The following ZNF77 variants were observed in gnomAD, a reference collection of about 807,000 sequenced individuals.
The protein encoded by ZNF77 is ZNFpT1.
Under a neutral mutation model 13.5 loss-of-function variants are expected in ZNF77, and 15 were observed. The ratio of observed to expected loss-of-function variants is 1.11; its 90% CI spans 0.74 to 1.71. ZNF77 has a LOEUF of 1.71. ZNF77 is among the 40% of genes most tolerant of loss of function. The pLI, the probability that ZNF77 is intolerant of heterozygous loss-of-function variation, is 0.00. For synonymous variants in ZNF77, 282 were observed against 250.0 expected (o/e 1.13, Z -1.21); for missense variants, 717 against 676.4 (o/e 1.06, Z -0.67).
At chr19:2,941,082 G>A (rs891602382) in intron 1 of ZNF77, among the ~76,000 whole-genome samples, 6 of 151,630 alleles carry the variant, frequency 4.0e-5, no homozygotes, top group Admixed American at 3.3e-4. Flanking sequence ...GGCTGAGGTG[G>A]GAGGATCATT....
At position 2,940,327 on chromosome 19, in the gene ZNF77, C is replaced by G. The variant is rs925978347; in HGVS notation, c.4-920G>C. 9.2e-5 allele frequency among the ~76,000 whole-genome samples: 14 copies of G among 151,702 alleles called. No individual in the cohort carries two copies. In the South Asian group the frequency reaches 1.0e-3, roughly 11 times the overall value. ...TCACTTGAGTTCAGGAGTTCGAGAT[C>G]ACCCTGGACAACACAGTGAAACCCT... On this transcript the variant is annotated intron_variant, in intron 1 of 3. Coordinates refer to ENST00000314531, the MANE Select transcript of ZNF77 (RefSeq NM_021217.3).
chr19:2,936,109 GA>G (rs1315647154), intron 3 of ZNF77, among the ~76,000 whole-genome samples: 8 of 148,932 alleles, frequency 5.4e-5, no homozygotes, highest in South Asian at 2.1e-4. Flanking sequence ...TAAAGAAAAA[GA>G]AAAAAAATGT....
chr19:2,936,153 T>C (rs539310318), intron 3 of ZNF77, among the ~76,000 whole-genome samples: 6 of 152,190 alleles, frequency 3.9e-5, no homozygotes, highest in Admixed American at 3.3e-4. Context: ...AGTTGGTTTA[T>C]ACTTTTTTTT....
intron 1 of ZNF77, among the ~76,000 whole-genome samples, chr19:2,942,370 CTTTTTTTT>C (rs71179937): frequency 9.8e-6 from 1 of 102,092 alleles, no homozygotes; most frequent in African/African-American, 4.0e-5. Context: ...GCGCCCGGCT[CTTTTTTTT>C]TTTTTTTTTT....
In ZNF77 at chr19:2,944,707, G is replaced by C; in HGVS notation, c.3+131C>G. The C allele has an allele frequency of 2.3e-6, 3 of 1,302,748 alleles. No homozygotes were observed. In the South Asian group the frequency reaches 4.9e-5, roughly 21 times the overall value. 80.7% of individuals were successfully genotyped at this position (1,302,748 alleles called of 1,614,324 possible). On this transcript the variant is annotated intron_variant, in intron 1 of 3. Coordinates refer to ENST00000314531, the MANE Select transcript of ZNF77 (RefSeq NM_021217.3). ...CCTCGGCCGCTGTGACCACGTCCCC[G>C]GGGCCCAGGCGCTCGTCGTGCGCCG... is the stretch of plus-strand genomic sequence containing the variant.
intron 1 of ZNF77, among the ~76,000 whole-genome samples, chr19:2,943,692 A>ATTTTTTTTTTTTTTTTTT (rs10633206): frequency 1.8e-3 from 138 of 76,744 alleles, no homozygotes; most frequent in Non-Finnish European, 2.2e-3. Flanking sequence ...TCTAGCCAGG[A>ATTTTTTTTTTTTTTTTTT]TTTTTTTTTT....
At chr19:2,944,512 C>T (rs996686860) in intron 1 of ZNF77, among the ~76,000 whole-genome samples, 4 of 151,656 alleles carry the variant, frequency 2.6e-5, no homozygotes, top group Non-Finnish European at 4.4e-5. Flanking sequence ...CCGCAAACTG[C>T]CCCTGTGCCC....
In ZNF77 at chr19:2,939,354, T is replaced by C. The variant is rs750892313; in HGVS notation, c.57A>G (p.Ala19=). The C allele has an allele frequency of 2.5e-6, 4 of 1,614,176 alleles. No individual in the cohort carries two copies. The highest frequency in any genetic ancestry group is 3.4e-6 in the Non-Finnish European group (4 of 1,180,008). ...GGCTCCTCTGAGCATGATCCAGCAA[T>C]GCCCACTCTTCTGGGGTGAAGTTCA... The part of the protein sequence containing the change: ...VAVNFTPEEW[A]LLDHAQRSLY... Residue 19 remains alanine, a synonymous_variant, in exon 2 of 4, where the codon GCA becomes GCG. Coordinates refer to ENST00000314531, the MANE Select transcript of ZNF77 (RefSeq NM_021217.3).
rs781621350 is a variant in ZNF77, at chr19:2,944,879, G to A, written c.-39C>T. On this transcript the variant is annotated 5_prime_UTR_variant, in exon 1 of 4. Transcript: ENST00000314531. ...CTGGGCTCTCCAGGGTTAGCGCCCC[G>A]CGGTCCAGCGACCGGCGCAGGTGAG... 5.3e-5 allele frequency: 80 copies of A among 1,522,142 alleles called. 1 individual carries two copies. In the South Asian group the frequency reaches 9.4e-4, roughly 18 times the overall value. 94.3% of individuals were successfully genotyped at this position (1,522,142 alleles called of 1,614,324 possible).
intron 2 of ZNF77, among the ~76,000 whole-genome samples, chr19:2,938,682 C>T (rs191595522): frequency 1.3e-3 from 204 of 152,274 alleles, no homozygotes; most frequent in Admixed American, 8.0e-3. Context: ...TTAGGCCGGG[C>T]GCGGTGGCTC....
rs879131348 is a variant in ZNF77 at position 2,933,987 on chromosome 19, A to G, written c.1140T>C (p.Tyr380=). ...AGGCCTTCCCACACTGCTTGCACAC[A>G]TAGGGCTTCTCTCCGGTGTGCATTC... ...HMRMHTGEKP[Y]VCKQCGKAFG... is the part of the protein sequence containing the mutation. The change falls in exon 4 of 4, where the codon TAT becomes TAC. Residue 380 remains tyrosine, a synonymous_variant. Transcript: ENST00000314531. 14 of 1,614,018 alleles carry G rather than the reference A, an allele frequency of 8.7e-6. No individual in the cohort carries two copies. The highest frequency in any genetic ancestry group is 5.5e-5 in the South Asian group (5 of 91,090).
Position 2,933,348 on chromosome 19 carries a change from T to G in ZNF77, c.*141A>C. On this transcript the variant is annotated 3_prime_UTR_variant, in exon 4 of 4. Transcript: ENST00000314531. ...TACCATATTAATCATAATTAAGAGA[T>G]TTCTCTCCTACTCTGAATTTTTAGG... 2 of 991,392 alleles carry G rather than the reference T, an allele frequency of 2.0e-6. No individual in the cohort carries two copies. The highest frequency in any genetic ancestry group is 2.1e-5 in the South Asian group (1 of 47,026). The allele number at this position is 991,392 out of a possible 1,614,324, so 61.4% of individuals were successfully genotyped here.
intron 1 of ZNF77, chr19:2,939,808 C>T (rs942173374): frequency 6.6e-5 from 13 of 196,538 alleles, no homozygotes; most frequent in South Asian, 3.3e-4. Flanking sequence ...CCCGTCTCTA[C>T]AAAAAAAATA....
At chr19:2,939,951 G>A (rs532428890) in intron 1 of ZNF77, 2 of 155,866 alleles carry the variant, frequency 1.3e-5, no homozygotes, top group African/African-American at 4.8e-5. Flanking sequence ...CTGCACTCCT[G>A]TCTGGGCCAC....
rs1388089254 is a variant in ZNF77 at position 2,936,606 on chromosome 19, T to C, written c.229A>G (p.Ser77Gly). ...TCTCCAAAAATAGACCAGGAATCAC[T>C]TCCTGTGAACTTTACAATCTCTTCA... The part of the protein sequence containing the change: ...NDEEIVKFTG[S>G]DSWSIFGENW... The change falls in exon 3 of 4, where the codon AGT (serine) becomes GGT (glycine). Residue 77 changes from serine (S) to glycine (G), a missense_variant. Coordinates refer to ENST00000314531, the MANE Select transcript of ZNF77 (RefSeq NM_021217.3). 1 of 1,611,338 alleles carries C rather than the reference T, an allele frequency of 6.2e-7. No individual in the cohort carries two copies. The highest frequency in any genetic ancestry group is 1.3e-5 in the African/African-American group (1 of 74,784).
chr19:2,943,459 C>G (rs1599622711), intron 1 of ZNF77, among the ~76,000 whole-genome samples: 2 of 152,044 alleles, frequency 1.3e-5, no homozygotes, highest in Non-Finnish European at 2.9e-5. Context: ...GAACTTTGGC[C>G]CCCCCGAGTC....
At position 2,934,433 on chromosome 19, in the gene ZNF77, T is replaced by A. The variant is rs1208644548; in HGVS notation, c.694A>T (p.Asn232Tyr). 6.2e-7 allele frequency: 1 copy of A among 1,614,112 alleles called. No individual in the cohort carries two copies. Among genetic ancestry groups the A allele is most frequent in the Admixed American group, 1.7e-5 (1 of 60,008 alleles). ...ICPSSFRGHVNSHHGQKTHAC... is the reference protein window; with the variant it reads ...ICPSSFRGHVYSHHGQKTHAC... The stretch of plus-strand genomic sequence containing the variant: ...TGGGTTTTCTGCCCATGATGACTAT[T>A]CACATGTCCCCTGAAAGATGAGGGA... The change falls in exon 4 of 4, where the codon AAT becomes TAT. Residue 232 changes from asparagine (N) to tyrosine (Y), a missense_variant. Coordinates refer to ENST00000314531, the MANE Select transcript of ZNF77 (RefSeq NM_021217.3).
intron 2 of ZNF77, among the ~76,000 whole-genome samples, chr19:2,937,467 G>A (rs2088407771): frequency 6.6e-6 from 1 of 151,506 alleles, no homozygotes; most frequent in Non-Finnish European, 1.5e-5. Flanking sequence ...CCTGGGCAAT[G>A]GGCAGTAAGA....
chr19:2,943,463 C>G (rs2088468305), intron 1 of ZNF77, among the ~76,000 whole-genome samples: 1 of 152,060 alleles, frequency 6.6e-6, no homozygotes, highest in Non-Finnish European at 1.5e-5. Flanking sequence ...TTTGGCCCCC[C>G]CGAGTCTGAG....
Sources: allele counts gnomAD v4.1 joint callset (sites outside exome capture counted in the v4.1 genomes callset), GRCh38; gene constraint gnomAD v4.1.1; transcripts MANE v1.5; gene names NCBI Gene and HGNC (gene_info 2026-07-23, HGNC 2026-07-21).